ATAD2B: variants seen among roughly 807,000 people sequenced by gnomAD.
ATAD2B encodes ATPase family AAA domain-containing protein 2B.
Under a neutral mutation model 167.6 loss-of-function variants are expected in ATAD2B, and 40 were observed. That is an observed-to-expected ratio of 0.24 (90% CI 0.19 to 0.31). The LOEUF (loss-of-function observed/expected upper bound fraction) is 0.31, where lower values mean the gene tolerates loss of function less well. Among genes scored for constraint, ATAD2B ranks in the 10% least tolerant of loss-of-function variants. The pLI, the probability that ATAD2B is intolerant of heterozygous loss-of-function variation, is 1.00. For synonymous variants in ATAD2B, 579 were observed against 596.5 expected (o/e 0.97, Z 0.43); for missense variants, 1,242 against 1,757.2 (o/e 0.71, Z 5.24).
chr2:23,778,896 G>A (rs995069184), intron 22 of ATAD2B, among the ~76,000 whole-genome samples: 2 of 152,150 alleles, frequency 1.3e-5, no homozygotes, highest in African/African-American at 4.8e-5. Context: ...CACAATAACA[G>A]CAGTCTCTGC....
chr2:23,701,130 T>C, the ATAD2B span, among the ~76,000 whole-genome samples: 3 of 152,012 alleles, frequency 2.0e-5, no homozygotes, highest in African/African-American at 7.3e-5. Context: ...AACCTTCCCA[T>C]CCCACCAGTA....
intron 13 of ATAD2B, among the ~76,000 whole-genome samples, chr2:23,841,413 C>T (rs1236637824): frequency 6.6e-6 from 1 of 152,172 alleles, no homozygotes. Context: ...GTCGACATTT[C>T]ATATAAACAG....
the ATAD2B span, among the ~76,000 whole-genome samples, chr2:23,683,494 C>A: frequency 6.6e-6 from 1 of 152,224 alleles, no homozygotes; most frequent in Non-Finnish European, 1.5e-5. Context: ...GGGTGACTGG[C>A]AGGCTCTTCC....
chr2:23,794,619 C>A (rs985169972), intron 19 of ATAD2B, among the ~76,000 whole-genome samples: 2 of 152,040 alleles, frequency 1.3e-5, no homozygotes, highest in African/African-American at 4.8e-5. Context: ...TTACTATATG[C>A]ATATTTATTT....
intron 13 of ATAD2B, among the ~76,000 whole-genome samples, chr2:23,840,065 A>C (rs1475170211): frequency 2.6e-5 from 4 of 152,154 alleles, no homozygotes; most frequent in Non-Finnish European, 5.9e-5. Flanking sequence ...ATAATAGTTT[A>C]TTCTTTTTAA....
chr2:23,819,122 G>T (rs2149614304), intron 17 of ATAD2B, among the ~76,000 whole-genome samples: 1 of 152,162 alleles, frequency 6.6e-6, no homozygotes, highest in East Asian at 1.9e-4. Context: ...AAGCAATAAA[G>T]TTGGGGCTCA....
the ATAD2B span, among the ~76,000 whole-genome samples, chr2:23,719,339 A>C: frequency 1.1e-4 from 16 of 152,344 alleles, no homozygotes; most frequent in African/African-American, 3.8e-4. Flanking sequence ...AACAACCCTA[A>C]GGAGGAAAAG....
At chr2:23,703,171 TCTC>T in the ATAD2B span, 1 of 1,403,328 alleles carries the variant, frequency 7.1e-7, no homozygotes, top group Non-Finnish European at 9.3e-7. Context: ...GGGCTCTTTT[TCTC>T]CTCTCCTGCA....
At chr2:23,808,173 A>ATATATTTATATATATATT (rs1328809043) in intron 18 of ATAD2B, among the ~76,000 whole-genome samples, 1 of 97,214 alleles carries the variant, frequency 1.0e-5, no homozygotes, top group Non-Finnish European at 2.2e-5. Context: ...TATAAGTGAT[A>ATATATTTATATATATATT]TATATTTATA....
chr2:23,703,149 C>T, the ATAD2B span: 4 of 1,374,712 alleles, frequency 2.9e-6, no homozygotes, highest in Non-Finnish European at 3.8e-6. Context: ...GCACAAGGTC[C>T]ATCTTGACCC....
rs571732950 is a variant in ATAD2B at position 23,916,804 on chromosome 2, G to A, written c.216+9751C>T. The stretch of plus-strand genomic sequence containing the variant: ...CCCCTCTCTAAAACCCACACAGGAA[G>A]TGAGCCTGGAAACAGCAGCCCCTAG... On this transcript the variant is annotated intron_variant, in intron 1 of 27. Coordinates refer to ENST00000238789, the MANE Select transcript of ATAD2B (RefSeq NM_017552.4). Among the ~76,000 whole-genome samples, 5 of 152,286 alleles carry A rather than the reference G, an allele frequency of 3.3e-5. No homozygotes were observed. In the South Asian group the frequency reaches 6.2e-4, roughly 19 times the overall value.
At chr2:23,776,415 T>C (rs1403195786) in intron 22 of ATAD2B, among the ~76,000 whole-genome samples, 1 of 152,214 alleles carries the variant, frequency 6.6e-6, no homozygotes, top group African/African-American at 2.4e-5. Flanking sequence ...TACCCCAAAT[T>C]TGATACTAAG....
chr2:23,819,686 TCTAATCATAAAGTATCAAAAATCA>T, intron 17 of ATAD2B, 37 bp downstream of exon 17: 1 of 1,302,154 alleles, frequency 7.7e-7, no homozygotes, highest in Non-Finnish European at 1.1e-6. Flanking sequence ...ATACCATAAT[TCTAATCATAAAGTATCAAAAATCA>T]CTCTAAATAC....
chr2:23,810,546 T>C, intron 17 of ATAD2B, 44 bp from the exon 18 acceptor site: 1 of 1,498,578 alleles, frequency 6.7e-7, no homozygotes, highest in Non-Finnish European at 9.1e-7. Flanking sequence ...GCATACATTC[T>C]GAAGACAAAT....
rs536394259 is a variant in ATAD2B at position 23,825,938 on chromosome 2, T to C, written c.1820-2369A>G. Among the ~76,000 whole-genome samples, 9 of 152,308 alleles carry C rather than the reference T, an allele frequency of 5.9e-5. No individual in the cohort carries two copies. In the East Asian group the frequency reaches 1.3e-3, roughly 23 times the overall value. On this transcript the variant is annotated intron_variant, in intron 15 of 27. Coordinates refer to ENST00000238789, the MANE Select transcript of ATAD2B (RefSeq NM_017552.4). The stretch of plus-strand genomic sequence containing the variant: ...TTATTCCAGACAAAGAAATGATCAA[T>C]AGACCCCATTTAATGAAGTAGATTT...
intron 6 of ATAD2B, among the ~76,000 whole-genome samples, chr2:23,883,832 G>A (rs1259738111): frequency 6.6e-6 from 1 of 152,116 alleles, no homozygotes; most frequent in Non-Finnish European, 1.5e-5. Flanking sequence ...TGAATCTTCT[G>A]AAAATCCATT....
chr2:23,722,652 G>A, the ATAD2B span, among the ~76,000 whole-genome samples: 1 of 152,140 alleles, frequency 6.6e-6, no homozygotes, highest in South Asian at 2.1e-4. Flanking sequence ...TGAGTAAAAT[G>A]TATTTAATGA....
intron 15 of ATAD2B, among the ~76,000 whole-genome samples, chr2:23,825,957 T>A (rs575994588): frequency 6.6e-6 from 1 of 152,304 alleles, no homozygotes; most frequent in Admixed American, 6.5e-5. Flanking sequence ...TTTAATGAAG[T>A]AGATTTTCAC....
At chr2:23,879,370 G>C (rs1697509853) in intron 7 of ATAD2B, among the ~76,000 whole-genome samples, 1 of 151,796 alleles carries the variant, frequency 6.6e-6, no homozygotes, top group African/African-American at 2.4e-5. Context: ...TGCTTTGGAA[G>C]GCCAAGGCAG....
Sources: gnomAD v4.1 joint callset for allele counts (sites outside exome capture counted in the v4.1 genomes callset) on GRCh38, gnomAD v4.1.1 for gene constraint, MANE v1.5 for transcripts, NCBI Gene and HGNC (gene_info 2026-07-23, HGNC 2026-07-21) for gene names.